Variants in AFF3 observed in about 807,000 individuals in gnomAD.
The protein encoded by AFF3 is AF4/FMR2 family member 3.
A neutral mutation model predicts 129.7 loss-of-function variants in AFF3; 32 were observed. The observed-to-expected ratio is 0.25, with a 90% CI of 0.19 to 0.33. AFF3 has a LOEUF of 0.33. AFF3 is among the 10% of genes least tolerant of loss of function. The probability of loss-of-function intolerance (pLI) is 1.00; values close to 1 mark genes in which losing one functional copy is unlikely to be tolerated. For missense variants in AFF3, 1,373 were observed against 1,592.0 expected (o/e 0.86, Z 2.34); for synonymous variants, 644 against 635.4 (o/e 1.01, Z -0.20).
intron 4 of AFF3, among the ~76,000 whole-genome samples, chr2:100,089,075 C>T (rs1573391104): frequency 6.6e-6 from 1 of 152,058 alleles, no homozygotes; most frequent in Non-Finnish European, 1.5e-5. Context: ...CTAAAAGTCA[C>T]GAGGTATAAA....
chr2:99,908,969 C>T (rs576721143), intron 7 of AFF3, among the ~76,000 whole-genome samples: 4 of 152,284 alleles, frequency 2.6e-5, no homozygotes, highest in African/African-American at 7.2e-5. Context: ...CCATTTGACC[C>T]AGCCATCCCA....
intron 18 of AFF3, among the ~76,000 whole-genome samples, chr2:99,571,797 A>G (rs760232107): frequency 6.4e-4 from 97 of 152,190 alleles, no homozygotes; most frequent in Non-Finnish European, 3.1e-4. Context: ...AGCCAGCAGG[A>G]CCAATGGGAT....
At chr2:100,101,337 T>C (rs895800649) in intron 4 of AFF3, among the ~76,000 whole-genome samples, 3 of 151,766 alleles carry the variant, frequency 2.0e-5, no homozygotes, top group African/African-American at 4.8e-5. Flanking sequence ...TCACCACTAA[T>C]AAATTCCAAT....
chr2:99,826,709 T>C (rs188177003), intron 8 of AFF3, among the ~76,000 whole-genome samples: 1 of 152,090 alleles, frequency 6.6e-6, no homozygotes, highest in Admixed American at 6.5e-5. Context: ...TCTGGAAGCA[T>C]ACGCACGGCC....
rs1674060348 is a variant in AFF3, at chr2:99,545,842, C to G, written c.*5632G>C. ...GGAGTGCCAATTAAAATAATAAAAA[C>G]CAAAACCGTGGGCAGATGTAATTAG... On this transcript the variant is annotated 3_prime_UTR_variant, in exon 25 of 25. Transcript: ENST00000672756. 5.4e-6 allele frequency: 1 copy of G among 184,320 alleles called. No homozygotes were observed. Among genetic ancestry groups the G allele is most frequent in the African/African-American group, 2.4e-5 (1 of 42,550 alleles). 11.4% of individuals were successfully genotyped at this position (184,320 alleles called of 1,614,324 possible). A position where few individuals can be genotyped will look rare whatever the true frequency, so the allele number is the denominator to read the frequency against.
chr2:100,073,408 G>C (rs1688352141), intron 4 of AFF3, among the ~76,000 whole-genome samples: 1 of 152,116 alleles, frequency 6.6e-6, no homozygotes, highest in Non-Finnish European at 1.5e-5. Flanking sequence ...AGGCATGAAG[G>C]GATTCTCCCT....
intron 7 of AFF3, among the ~76,000 whole-genome samples, chr2:99,866,580 A>C (rs1288530838): frequency 6.6e-6 from 1 of 152,088 alleles, no homozygotes; most frequent in Non-Finnish European, 1.5e-5. Flanking sequence ...TCTTTGTGTC[A>C]CCAGCCTCCA....
chr2:99,845,824 A>T (rs1390271423), intron 7 of AFF3, among the ~76,000 whole-genome samples: 1 of 152,086 alleles, frequency 6.6e-6, no homozygotes, highest in Non-Finnish European at 1.5e-5. Flanking sequence ...TATTTTAATT[A>T]AATTAATTAA....
chr2:99,917,858 C>T (rs1471413054), intron 7 of AFF3, among the ~76,000 whole-genome samples: 3 of 152,144 alleles, frequency 2.0e-5, no homozygotes, highest in Admixed American at 6.5e-5. Context: ...ACTGCATTAT[C>T]TGCCCTGCGA....
chr2:99,852,352 C>T (rs1447335817), intron 7 of AFF3, among the ~76,000 whole-genome samples: 1 of 151,844 alleles, frequency 6.6e-6, no homozygotes, highest in African/African-American at 2.4e-5. Context: ...TTTAGAAAAA[C>T]AAAACAAAAC....
intron 11 of AFF3, 92 bp from the exon 12 acceptor site, chr2:99,672,681 T>A: frequency 1.7e-6 from 2 of 1,200,378 alleles, no homozygotes; most frequent in Non-Finnish European, 2.4e-6. Flanking sequence ...ATGTTGTTAT[T>A]AGAGCAACAT....
At chr2:99,902,402 T>C (rs745340318) in intron 7 of AFF3, among the ~76,000 whole-genome samples, 1 of 152,150 alleles carries the variant, frequency 6.6e-6, no homozygotes, top group Admixed American at 6.5e-5. Flanking sequence ...AATGCATAAA[T>C]ACACAAACAC....
intron 8 of AFF3, among the ~76,000 whole-genome samples, chr2:99,793,719 G>A (rs1331354569): frequency 1.3e-5 from 2 of 152,016 alleles, no homozygotes; most frequent in Non-Finnish European, 2.9e-5. Flanking sequence ...CTTTTCAAAG[G>A]AGCAGCTTTA....
At chr2:99,570,696 C>A (rs1676393822) in intron 18 of AFF3, among the ~76,000 whole-genome samples, 1 of 152,142 alleles carries the variant, frequency 6.6e-6, no homozygotes. Flanking sequence ...AGTTCAGATC[C>A]CCAATAATCT....
intron 19 of AFF3, among the ~76,000 whole-genome samples, chr2:99,566,931 A>G (rs1270254015): frequency 6.6e-6 from 1 of 152,140 alleles, no homozygotes; most frequent in African/African-American, 2.4e-5. Context: ...TAAACTGCTT[A>G]TAAAGGTAGT....
rs949135830 is a variant in AFF3, at chr2:99,551,410, A to G, written c.*64T>C. On this transcript the variant is annotated 3_prime_UTR_variant, in exon 25 of 25. Coordinates refer to ENST00000672756, the MANE Select transcript of AFF3 (RefSeq NM_001386135.1). ...CTGTGGCTGGGAGTTTCAGTAGCACAGTGTCCAAAAACGTTGAGCCATCTG... is the reference window on the plus strand; with the variant it reads ...CTGTGGCTGGGAGTTTCAGTAGCACGGTGTCCAAAAACGTTGAGCCATCTG... The G allele has an allele frequency of 1.8e-5, 28 of 1,599,694 alleles. No homozygotes were observed. The highest frequency in any genetic ancestry group is 3.4e-5 in the Admixed American group (2 of 59,064).
intron 13 of AFF3, among the ~76,000 whole-genome samples, chr2:99,646,753 A>G (rs892731175): frequency 4.6e-5 from 7 of 152,366 alleles, no homozygotes; most frequent in Non-Finnish European, 1.0e-4. Context: ...TTTATTCAAA[A>G]GAATAAGTAA....
chr2:99,816,771 T>C (rs1189047849), intron 8 of AFF3, among the ~76,000 whole-genome samples: 2 of 152,106 alleles, frequency 1.3e-5, no homozygotes, highest in African/African-American at 2.4e-5. Flanking sequence ...CCTTCACAAG[T>C]GTTCCTGAGC....
intron 13 of AFF3, among the ~76,000 whole-genome samples, chr2:99,620,120 C>T (rs1268788731): frequency 1.3e-5 from 2 of 152,066 alleles, no homozygotes; most frequent in Admixed American, 6.5e-5. Flanking sequence ...AGACATCTGC[C>T]CCAGACCAAC....
Sources: gnomAD v4.1 joint callset for allele counts (sites outside exome capture counted in the v4.1 genomes callset) on GRCh38, gnomAD v4.1.1 for gene constraint, MANE v1.5 for transcripts, NCBI Gene and HGNC (gene_info 2026-07-23, HGNC 2026-07-21) for gene names.